SEMA5A: variants seen among roughly 807,000 people sequenced by gnomAD.
The protein encoded by SEMA5A is semaphorin-5A.
SEMA5A carries 55 observed loss-of-function variants against 135.5 expected under a neutral mutation model. That is an observed-to-expected ratio of 0.41 (90% CI 0.33 to 0.51). SEMA5A has a LOEUF of 0.51. Among genes scored for constraint, SEMA5A ranks in the 20% least tolerant of loss-of-function variants. The pLI is 0.37. For missense variants in SEMA5A, 1,290 were observed against 1,419.9 expected, an observed-to-expected ratio of 0.91 and a Z score of 1.47; for synonymous variants, 580 against 546.5, an observed-to-expected ratio of 1.06 and a Z score of -0.85.
At chr5:9,246,614 G>C (rs1160404823) in intron 5 of SEMA5A, among the ~76,000 whole-genome samples, 1 of 152,062 alleles carries the variant, frequency 6.6e-6, no homozygotes, top group Non-Finnish European at 1.5e-5. Context: ...TATTCCAAAA[G>C]GAATAAGTTG....
intron 5 of SEMA5A, among the ~76,000 whole-genome samples, chr5:9,285,943 G>A (rs1750773291): frequency 6.6e-6 from 1 of 152,204 alleles, no homozygotes; most frequent in Admixed American, 6.5e-5. Flanking sequence ...TTGAGGTGAT[G>A]CATACCCCAA....
At chr5:9,322,262 T>A (rs966274134) in intron 4 of SEMA5A, among the ~76,000 whole-genome samples, 4 of 152,184 alleles carry the variant, frequency 2.6e-5, no homozygotes, top group African/African-American at 9.7e-5. Context: ...CTAGTGGAGT[T>A]TAACCATCTA....
In SEMA5A at chr5:9,384,705, TAGATAGATAGACAGACAGAC is replaced by T. The variant is rs1561208481; in HGVS notation, c.-77-4702_-77-4683del. Among the ~76,000 whole-genome samples, 57 of 138,284 alleles carry T rather than the reference TAGATAGATAGACAGACAGAC, an allele frequency of 4.1e-4. 2 individuals carry two copies. The highest frequency in any genetic ancestry group is 1.5e-3 in the African/African-American group (54 of 35,510). 90.7% of individuals were successfully genotyped at this position (138,284 alleles called of 152,430 possible). ...ATAGATAGATAGATAGATAGATAGA[TAGATAGATAGACAGACAGAC>T]AGACAGACAGACAGACAGATGCATA... On this transcript the variant is annotated intron_variant, in intron 2 of 22. Transcript: ENST00000382496.
intron 4 of SEMA5A, among the ~76,000 whole-genome samples, chr5:9,329,921 T>C (rs1203116947): frequency 1.3e-5 from 2 of 152,198 alleles, no homozygotes; most frequent in Non-Finnish European, 2.9e-5. Context: ...ATCGAGCACA[T>C]TATAAATGTA....
chr5:9,294,280 A>G (rs1310316965), intron 5 of SEMA5A, among the ~76,000 whole-genome samples: 2 of 152,182 alleles, frequency 1.3e-5, no homozygotes, highest in Non-Finnish European at 2.9e-5. Context: ...AGCCTACAGT[A>G]TAAGCCCCAG....
At chr5:9,136,336 C>T (rs1331209979) in intron 13 of SEMA5A, among the ~76,000 whole-genome samples, 168 bp downstream of exon 13, 1 of 152,168 alleles carries the variant, frequency 6.6e-6, no homozygotes, top group Non-Finnish European at 1.5e-5. Flanking sequence ...TTCCACGTGG[C>T]CCTGTGCAAG....
intron 1 of SEMA5A, among the ~76,000 whole-genome samples, chr5:9,478,278 G>T (rs950631584): frequency 3.3e-5 from 5 of 152,216 alleles, no homozygotes; most frequent in Non-Finnish European, 7.3e-5. Flanking sequence ...CCTCTACTCA[G>T]GCAATGCAGA....
At chr5:9,153,294 T>G (rs909767075) in intron 12 of SEMA5A, among the ~76,000 whole-genome samples, 1 of 152,180 alleles carries the variant, frequency 6.6e-6, no homozygotes, top group Non-Finnish European at 1.5e-5. Context: ...GATTCTGATT[T>G]CCCCAAGGGC....
intron 16 of SEMA5A, among the ~76,000 whole-genome samples, chr5:9,099,643 TCAGC>T (rs1739514602): frequency 6.6e-6 from 1 of 152,220 alleles, no homozygotes; most frequent in Admixed American, 6.5e-5. Flanking sequence ...TCTTTCCCCA[TCAGC>T]TACTGAACGG....
chr5:9,382,034 G>A (rs1263798729), intron 2 of SEMA5A, among the ~76,000 whole-genome samples: 1 of 150,942 alleles, frequency 6.6e-6, no homozygotes, highest in Non-Finnish European at 1.5e-5. Flanking sequence ...GGTGGCTCAT[G>A]CCTGTAATCC....
Position 9,218,260 on chromosome 5 carries a change from C to G in SEMA5A, c.646+6414G>C, listed in dbSNP as rs916453693. On this transcript the variant is annotated intron_variant, in intron 8 of 22. Transcript: ENST00000382496. ...ATAAATTTCTATTGTTTTGAGCTAC[C>G]CTGTTTGTGGTACTTTGTTTTAGCA... is the stretch of plus-strand genomic sequence containing the variant. Among the ~76,000 whole-genome samples, 11 of 151,976 alleles carry G rather than the reference C, an allele frequency of 7.2e-5. 2 individuals carry two copies. The highest frequency in any genetic ancestry group is 2.4e-5 in the African/African-American group (1 of 41,464).
intron 1 of SEMA5A, among the ~76,000 whole-genome samples, chr5:9,529,018 A>G (rs455757): frequency 0.34 from 52,016 of 152,118 alleles, 9,085 homozygotes; most frequent in East Asian, 0.4. Flanking sequence ...TTGTACTTAC[A>G]AGAAATCCAA....
intron 3 of SEMA5A, among the ~76,000 whole-genome samples, chr5:9,352,793 T>A (rs1358492620): frequency 1.3e-5 from 2 of 152,200 alleles, no homozygotes; most frequent in African/African-American, 4.8e-5. Context: ...AATAAAGTTT[T>A]ATCAGAACAC....
intron 15 of SEMA5A, among the ~76,000 whole-genome samples, chr5:9,113,006 G>A (rs1236658961): frequency 6.6e-6 from 1 of 152,148 alleles, no homozygotes; most frequent in Non-Finnish European, 1.5e-5. Flanking sequence ...CATCCCACAA[G>A]GAAATGAAGG....
intron 21 of SEMA5A, among the ~76,000 whole-genome samples, chr5:9,047,868 CAGG>C (rs1442188481): frequency 1.3e-5 from 2 of 152,146 alleles, no homozygotes; most frequent in African/African-American, 2.4e-5. Flanking sequence ...TTCAGACACA[CAGG>C]AGTAGTATTT....
At position 9,222,268 on chromosome 5, in the gene SEMA5A, C is replaced by T. The variant is rs75168825; in HGVS notation, c.646+2406G>A. ...GTGTGGTTAGAGACCAGAATCCATCCTGGATGGAGGATCAATCAGAGAAGC... is the reference window on the plus strand; with the variant it reads ...GTGTGGTTAGAGACCAGAATCCATCTTGGATGGAGGATCAATCAGAGAAGC... On this transcript the variant is annotated intron_variant, in intron 8 of 22. Coordinates refer to ENST00000382496, the MANE Select transcript of SEMA5A (RefSeq NM_003966.3). Among the ~76,000 whole-genome samples, 978 of 152,262 alleles carry T rather than the reference C, an allele frequency of 6.4e-3. 10 individuals are homozygous for T. Among genetic ancestry groups the T allele is most frequent in the Non-Finnish European group, 9.7e-3 (663 of 68,020 alleles).
At chr5:9,403,609 A>G (rs1209383434) in intron 2 of SEMA5A, among the ~76,000 whole-genome samples, 1 of 152,186 alleles carries the variant, frequency 6.6e-6, no homozygotes, top group Non-Finnish European at 1.5e-5. Flanking sequence ...CTAGCATACA[A>G]TGATTAACAC....
rs537051189 is a variant in SEMA5A, at chr5:9,039,686, C to A, written c.*3211G>T. ...GGGGAATGGGGAGTTCTGGAGGGAA[C>A]GCCATGAGTCTGGAGACTGTGGCTC... is the stretch of plus-strand genomic sequence containing the variant. On this transcript the variant is annotated 3_prime_UTR_variant, in exon 23 of 23. Transcript: ENST00000382496. 1 of 152,184 alleles carries A rather than the reference C, an allele frequency of 6.6e-6. No homozygotes were observed. Among genetic ancestry groups the A allele is most frequent in the South Asian group, 2.1e-4 (1 of 4,828 alleles). 9.4% of individuals were successfully genotyped at this position (152,184 alleles called of 1,614,324 possible). A position where few individuals can be genotyped will look rare whatever the true frequency, so the allele number is the denominator to read the frequency against.
intron 2 of SEMA5A, among the ~76,000 whole-genome samples, chr5:9,380,540 G>A (rs1037552491): frequency 1.3e-5 from 2 of 152,086 alleles, no homozygotes; most frequent in African/African-American, 2.4e-5. Context: ...AAATCATCAC[G>A]ATTTGCTAAA....
Sources: gnomAD v4.1 joint callset for allele counts (sites outside exome capture counted in the v4.1 genomes callset) on GRCh38, gnomAD v4.1.1 for gene constraint, MANE v1.5 for transcripts, NCBI Gene and HGNC (gene_info 2026-07-23, HGNC 2026-07-21) for gene names.